Variants in CSDC2 observed in about 807,000 individuals in gnomAD.
CSDC2 encodes cold shock domain containing C2, also known as cold shock domain-containing protein C2.
Under a neutral mutation model 15.8 loss-of-function variants are expected in CSDC2, and 8 were observed. The observed-to-expected ratio is 0.51, with a 90% CI of 0.30 to 0.92. The LOEUF (loss-of-function observed/expected upper bound fraction) is 0.92, where lower values mean the gene tolerates loss of function less well. CSDC2 is among the 40% of genes least tolerant of loss of function. The pLI, the probability that CSDC2 is intolerant of heterozygous loss-of-function variation, is 0.07. For missense variants in CSDC2, 195 were observed against 213.3 expected, an observed-to-expected ratio of 0.91 and a Z score of 0.53; for synonymous variants, 96 against 92.3, an observed-to-expected ratio of 1.04 and a Z score of -0.23.
In CSDC2 at chr22:41,575,138, G is replaced by C. The variant is rs1408830733; in HGVS notation, c.*243G>C. ...GGGCAAGGCCACCAGACCTGGCTTCGCGCTGTCCACTGCCTCTCTCCTCCC... is the reference window on the plus strand; with the variant it reads ...GGGCAAGGCCACCAGACCTGGCTTCCCGCTGTCCACTGCCTCTCTCCTCCC... On this transcript the variant is annotated 3_prime_UTR_variant, in exon 4 of 4. Transcript: ENST00000306149. 5.2e-6 allele frequency: 3 copies of C among 575,122 alleles called. No individual in the cohort carries two copies. Among genetic ancestry groups the C allele is most frequent in the African/African-American group, 1.9e-5 (1 of 53,296 alleles). The allele number at this position is 575,122 out of a possible 1,614,324, so 35.6% of individuals were successfully genotyped here. A position where few individuals can be genotyped will look rare whatever the true frequency, so the allele number is the denominator to read the frequency against.
intron 1 of CSDC2, among the ~76,000 whole-genome samples, chr22:41,563,504 G>A (rs2067098265): frequency 1.3e-5 from 2 of 152,114 alleles, no homozygotes; most frequent in Non-Finnish European, 1.5e-5. Context: ...TTTATTGGGG[G>A]AGTTGTTTTT....
Position 41,575,078 on chromosome 22 carries a change from T to TG in CSDC2, c.*184dup. On this transcript the variant is annotated 3_prime_UTR_variant, in exon 4 of 4. Coordinates refer to ENST00000306149, the MANE Select transcript of CSDC2 (RefSeq NM_014460.4). The stretch of plus-strand genomic sequence containing the variant: ...GTGCCTCCACCCACCCCACGACCCG[T>TG]GACTACTGTGCAAGCTGGCCAGGAG... 1 of 746,258 alleles carries TG rather than the reference T, an allele frequency of 1.3e-6. No homozygotes were observed. The highest frequency in any genetic ancestry group is 1.8e-5 in the African/African-American group (1 of 56,636). 46.2% of individuals were successfully genotyped at this position (746,258 alleles called of 1,614,324 possible).
chr22:41,575,065 AC>A lies in CSDC2; in HGVS notation c.*174del. Reference sequence around the variant, plus strand: ...TGGCTATGAGCGTGTGCCTCCACCCACCCCACGACCCGTGACTACTGTGCAA... The same window carrying A: ...TGGCTATGAGCGTGTGCCTCCACCCACCCACGACCCGTGACTACTGTGCAA... On this transcript the variant is annotated 3_prime_UTR_variant, in exon 4 of 4. Transcript: ENST00000306149. 2 of 807,806 alleles carry A rather than the reference AC, an allele frequency of 2.5e-6. No individual in the cohort carries two copies. Among genetic ancestry groups the A allele is most frequent in the South Asian group, 1.8e-5 (1 of 55,156 alleles). The allele number at this position is 807,806 out of a possible 1,614,324, so 50.0% of individuals were successfully genotyped here. A position where few individuals can be genotyped will look rare whatever the true frequency, so the allele number is the denominator to read the frequency against.
chr22:41,574,965 T>C lies in CSDC2; in HGVS notation c.*70T>C. 3 of 1,505,586 alleles carry C rather than the reference T, an allele frequency of 2.0e-6. No homozygotes were observed. Among genetic ancestry groups the C allele is most frequent in the Non-Finnish European group, 2.7e-6 (3 of 1,119,458 alleles). The allele number at this position is 1,505,586 out of a possible 1,614,324, so 93.3% of individuals were successfully genotyped here. A position where few individuals can be genotyped will look rare whatever the true frequency, so the allele number is the denominator to read the frequency against. ...ACAGGGTGAACGGGCAGCAGCCGGC[T>C]CCATGCCCCACTGCCCTGGCTGATG... On this transcript the variant is annotated 3_prime_UTR_variant, in exon 4 of 4. Coordinates refer to ENST00000306149, the MANE Select transcript of CSDC2 (RefSeq NM_014460.4).
At position 41,575,856 on chromosome 22, in the gene CSDC2, C is replaced by A. The variant is rs1470874714; in HGVS notation, c.*961C>A. On this transcript the variant is annotated 3_prime_UTR_variant, in exon 4 of 4. Coordinates refer to ENST00000306149, the MANE Select transcript of CSDC2 (RefSeq NM_014460.4). Reference sequence around the variant, plus strand: ...CTCTCTTCCCAAAGCCCTAACAGACCAGTGGCCGAGGTGTGGCTCTTATTG... The same window carrying A: ...CTCTCTTCCCAAAGCCCTAACAGACAAGTGGCCGAGGTGTGGCTCTTATTG... 1 of 152,380 alleles carries A rather than the reference C, an allele frequency of 6.6e-6. No individual in the cohort carries two copies. The highest frequency in any genetic ancestry group is 1.5e-5 in the Non-Finnish European group (1 of 68,140). The allele number at this position is 152,380 out of a possible 1,614,324, so 9.4% of individuals were successfully genotyped here. A position where few individuals can be genotyped will look rare whatever the true frequency, so the allele number is the denominator to read the frequency against.
At chr22:41,573,605 G>A (rs369895184) in intron 2 of CSDC2, 50 bp from the exon 3 acceptor site, 16 of 1,572,724 alleles carry the variant, frequency 1.0e-5, no homozygotes, top group African/African-American at 6.8e-5. Context: ...GTAGGGATCC[G>A]GGGAGGAGTT....
At chr22:41,566,465 A>AC (rs2067115332) in intron 1 of CSDC2, among the ~76,000 whole-genome samples, 1 of 143,036 alleles carries the variant, frequency 7.0e-6, no homozygotes, top group African/African-American at 2.6e-5. Context: ...AAAAAAAAAA[A>AC]AACACACAAA....
intron 2 of CSDC2, among the ~76,000 whole-genome samples, chr22:41,572,355 CCCACCCACCCACCCA>C (rs2067149830): frequency 2.6e-5 from 1 of 37,880 alleles, no homozygotes; most frequent in Non-Finnish European, 5.4e-5. Flanking sequence ...CACCCACCCA[CCCACCCACCCACCCA>C]CCCACCCACC....
At chr22:41,573,991 C>T (rs1202008262) in intron 3 of CSDC2, among the ~76,000 whole-genome samples, 2 of 152,212 alleles carry the variant, frequency 1.3e-5, no homozygotes, top group Non-Finnish European at 2.9e-5. Context: ...TGGGAGCCAG[C>T]GGCTGGGCCC....
At chr22:41,565,535 A>C (rs2067109894) in intron 1 of CSDC2, among the ~76,000 whole-genome samples, 1 of 151,906 alleles carries the variant, frequency 6.6e-6, no homozygotes, top group South Asian at 2.1e-4. Context: ...CTGAGGCTGC[A>C]GTGAGCCATG....
chr22:41,574,993 T>C lies in CSDC2; in HGVS notation c.*98T>C. On this transcript the variant is annotated 3_prime_UTR_variant, in exon 4 of 4. Coordinates refer to ENST00000306149, the MANE Select transcript of CSDC2 (RefSeq NM_014460.4). The stretch of plus-strand genomic sequence containing the variant: ...ATGCCCCACTGCCCTGGCTGATGAG[T>C]CCTTCGGTGGCCTCAGTGTGCACGT... 1 of 1,372,004 alleles carries C rather than the reference T, an allele frequency of 7.3e-7. No individual in the cohort carries two copies. The highest frequency in any genetic ancestry group is 1.4e-5 in the African/African-American group (1 of 69,536). The allele number at this position is 1,372,004 out of a possible 1,614,324, so 85.0% of individuals were successfully genotyped here.
In CSDC2 at chr22:41,574,242, A is replaced by C. The variant is rs530961551; in HGVS notation, c.299+465A>C. ...CCCCAAGGGACCCAGAAAGGGAGGT[A>C]CAGTTTATGAGTCCCATTTTATTTT... is the stretch of plus-strand genomic sequence containing the variant. On this transcript the variant is annotated intron_variant, in intron 3 of 3. Transcript: ENST00000306149. Among the ~76,000 whole-genome samples the C allele has an allele frequency of 3.9e-5, 6 of 152,106 alleles. No homozygotes were observed. In the South Asian group the frequency reaches 1.0e-3, roughly 26 times the overall value.
intron 2 of CSDC2, among the ~76,000 whole-genome samples, chr22:41,572,433 CACCT>C (rs2067152156): frequency 1.4e-5 from 2 of 140,152 alleles, no homozygotes; most frequent in African/African-American, 2.7e-5. Flanking sequence ...TCCATCCATC[CACCT>C]GTCCATCCAT....
intron 1 of CSDC2, among the ~76,000 whole-genome samples, chr22:41,567,234 C>T (rs1569047644): frequency 1.3e-5 from 2 of 152,154 alleles, no homozygotes; most frequent in Non-Finnish European, 2.9e-5. Context: ...TTGGCTGAAC[C>T]AGGAACAGAA....
Position 41,571,906 on chromosome 22 carries a change from C to A in CSDC2, c.-60C>A. On this transcript the variant is annotated 5_prime_UTR_variant, in exon 2 of 4. Transcript: ENST00000306149. The stretch of plus-strand genomic sequence containing the variant: ...GGCCGGGCCCTGCCCGCAAGGACGA[C>A]CAAACCCCTCACCGGCCCCTGGGCC... 8.4e-7 allele frequency: 1 copy of A among 1,184,876 alleles called. No individual in the cohort carries two copies. The highest frequency in any genetic ancestry group is 1.1e-6 in the Non-Finnish European group (1 of 913,774). The allele number at this position is 1,184,876 out of a possible 1,614,324, so 73.4% of individuals were successfully genotyped here.
intron 3 of CSDC2, 100 bp from the exon 4 acceptor site, chr22:41,574,633 T>C: frequency 1.4e-6 from 2 of 1,419,540 alleles, no homozygotes; most frequent in Non-Finnish European, 9.5e-7. Flanking sequence ...CCTCCTGGCC[T>C]AGGGAGGCTT....
At chr22:41,563,436 C>G (rs2067098026) in intron 1 of CSDC2, among the ~76,000 whole-genome samples, 1 of 152,116 alleles carries the variant, frequency 6.6e-6, no homozygotes, top group African/African-American at 2.4e-5. Flanking sequence ...ATTTTTAAAC[C>G]ACCGTACCCA....
intron 1 of CSDC2, among the ~76,000 whole-genome samples, chr22:41,564,225 G>A (rs2067102111): frequency 6.6e-6 from 1 of 152,052 alleles, no homozygotes; most frequent in Admixed American, 6.6e-5. Context: ...GATGGTGGCT[G>A]AGGCTCACAT....
intron 2 of CSDC2, among the ~76,000 whole-genome samples, chr22:41,573,308 T>C (rs1329926831): frequency 2.6e-5 from 4 of 151,696 alleles, no homozygotes; most frequent in African/African-American, 9.7e-5. Context: ...TGAGCTGAGA[T>C]TGCACCCCTG....
Sources: allele counts gnomAD v4.1 joint callset (sites outside exome capture counted in the v4.1 genomes callset), GRCh38; gene constraint gnomAD v4.1.1; transcripts MANE v1.5; gene names NCBI Gene and HGNC (gene_info 2026-07-23, HGNC 2026-07-21).